Variants in SLC38A12 observed in about 807,000 individuals in gnomAD.
SLC38A12 encodes the protein putative sodium-coupled neutral amino acid transporter 12.
the SLC38A12 span, chr17:74,790,228 C>T: frequency 1.9e-6 from 3 of 1,614,132 alleles, no homozygotes; most frequent in South Asian, 1.1e-5. Context: ...TCCTCCACAG[C>T]CTCAGACAGC....
chr17:74,797,195 C>T, the SLC38A12 span, among the ~76,000 whole-genome samples: 6 of 152,230 alleles, frequency 3.9e-5, no homozygotes, highest in African/African-American at 1.4e-4. Flanking sequence ...AAGCGTTATT[C>T]TTGCCTTGTT....
chr17:74,790,252 G>A, the SLC38A12 span: 629 of 1,614,104 alleles, frequency 3.9e-4, no homozygotes, highest in Middle Eastern at 5.0e-4. Context: ...GTTCTCATCC[G>A]GGACAACTAC....
chr17:74,798,319 A>G, the SLC38A12 span, among the ~76,000 whole-genome samples: 21 of 152,228 alleles, frequency 1.4e-4, no homozygotes, highest in Non-Finnish European at 2.2e-4. Flanking sequence ...TGAGACGCAC[A>G]CACACGGTGA....
At chr17:74,799,975 T>C in the SLC38A12 span, among the ~76,000 whole-genome samples, 1 of 152,220 alleles carries the variant, frequency 6.6e-6, no homozygotes, top group Admixed American at 6.5e-5. Flanking sequence ...CCAGTGACTT[T>C]TGACTCCCAC....
At chr17:74,807,504 C>T in the SLC38A12 span, among the ~76,000 whole-genome samples, 1 of 152,252 alleles carries the variant, frequency 6.6e-6, no homozygotes, top group Admixed American at 6.5e-5. Context: ...CCCACCACAG[C>T]TAGTGGCTGC....
the SLC38A12 span, chr17:74,836,963 C>T: frequency 1.6e-6 from 2 of 1,262,688 alleles, no homozygotes; most frequent in South Asian, 2.5e-5. The surrounding 1 kb of genome is among the most constrained non-coding windows in gnomAD (Gnocchi z 4.2). Context: ...TGGAATCACA[C>T]CTCTCCCACA....
chr17:74,816,879 T>A, the SLC38A12 span, among the ~76,000 whole-genome samples: 1 of 152,138 alleles, frequency 6.6e-6, no homozygotes, highest in Non-Finnish European at 1.5e-5. Flanking sequence ...GAGAGTAGGC[T>A]GTCTCTTTTG....
At chr17:74,826,199 C>G in the SLC38A12 span, among the ~76,000 whole-genome samples, 1 of 152,156 alleles carries the variant, frequency 6.6e-6, no homozygotes, top group Non-Finnish European at 1.5e-5. Flanking sequence ...TGCCAGGCTC[C>G]GAGGGTGTGG....
chr17:74,827,066 T>C, the SLC38A12 span, among the ~76,000 whole-genome samples: 37,418 of 151,902 alleles, frequency 0.25, 4,999 homozygotes, highest in East Asian at 0.42. The surrounding 1 kb of genome is among the most constrained non-coding windows in gnomAD (Gnocchi z 4.7). Flanking sequence ...GAAGGCAGGA[T>C]CACTAGTATC....
chr17:74,828,012 C>T, the SLC38A12 span, among the ~76,000 whole-genome samples: 1 of 152,208 alleles, frequency 6.6e-6, no homozygotes, highest in Non-Finnish European at 1.5e-5. Context: ...TAGTCCTGTT[C>T]CCCGCCTGGA....
At chr17:74,785,360 C>T in the SLC38A12 span, 6 of 1,401,708 alleles carry the variant, frequency 4.3e-6, no homozygotes, top group Non-Finnish European at 5.8e-6. Context: ...GCCTCCTTCC[C>T]TGTCTACAGT....
At chr17:74,814,017 C>G in the SLC38A12 span, among the ~76,000 whole-genome samples, 2 of 152,050 alleles carry the variant, frequency 1.3e-5, no homozygotes, top group African/African-American at 2.4e-5. Context: ...TGGTGGGTGG[C>G]GGTGGGTGAC....
the SLC38A12 span, chr17:74,836,670 A>G: frequency 3.7e-6 from 6 of 1,600,972 alleles, no homozygotes; most frequent in Middle Eastern, 3.3e-4. The surrounding 1 kb of genome is among the most constrained non-coding windows in gnomAD (Gnocchi z 4.2). Context: ...TATCATCCTC[A>G]GCGAGACCAA....
the SLC38A12 span, among the ~76,000 whole-genome samples, chr17:74,782,896 G>C: frequency 6.6e-6 from 1 of 152,182 alleles, no homozygotes; most frequent in Non-Finnish European, 1.5e-5. Flanking sequence ...TTGAAAGGTC[G>C]AGGAGGGTGG....
chr17:74,829,674 C>T, the SLC38A12 span, among the ~76,000 whole-genome samples: 2 of 152,152 alleles, frequency 1.3e-5, no homozygotes, highest in Non-Finnish European at 2.9e-5. The surrounding 1 kb of genome is among the most constrained non-coding windows in gnomAD (Gnocchi z 4.1). Flanking sequence ...AGTGCCTCAG[C>T]ATCGCATGCT....
chr17:74,807,131 C>T, the SLC38A12 span, among the ~76,000 whole-genome samples: 1 of 124,686 alleles, frequency 8.0e-6, no homozygotes, highest in Admixed American at 9.4e-5. Context: ...CCGCCAGTGT[C>T]ATCCCCAGAC....
the SLC38A12 span, chr17:74,837,979 C>G: frequency 1.0e-6 from 1 of 985,914 alleles, no homozygotes; most frequent in Non-Finnish European, 1.2e-6. Flanking sequence ...CTTTTGAGTT[C>G]AGTGCCTTGC....
At chr17:74,827,102 A>C in the SLC38A12 span, among the ~76,000 whole-genome samples, 222 of 152,176 alleles carry the variant, frequency 1.5e-3, 1 homozygote, top group Middle Eastern at 6.8e-3. This position sits in a 1 kb window ranked among gnomAD's most constrained non-coding sequence, Gnocchi z 4.7. Flanking sequence ...TTGGAGCACA[A>C]GGGGAGCTAG....
At chr17:74,805,907 C>A in the SLC38A12 span, among the ~76,000 whole-genome samples, 2 of 152,346 alleles carry the variant, frequency 1.3e-5, no homozygotes, top group South Asian at 4.1e-4. The surrounding 1 kb of genome is among the most constrained non-coding windows in gnomAD (Gnocchi z 5.0). Context: ...ATGGCACTGC[C>A]TCCTCCTGTT....
Sources: allele counts gnomAD v4.1 joint callset (sites outside exome capture counted in the v4.1 genomes callset), GRCh38; gene constraint gnomAD v4.1.1; non-coding constraint Gnocchi (gnomAD v3.1); transcripts MANE v1.5; gene names NCBI Gene and HGNC (gene_info 2026-07-23, HGNC 2026-07-21).